CCDC3: variants seen among roughly 807,000 people sequenced by gnomAD.
The protein encoded by CCDC3 is coiled-coil domain containing 3, also known as coiled-coil domain-containing protein 3.
CCDC3 carries 24 observed loss-of-function variants against 21.4 expected under a neutral mutation model. That is an observed-to-expected ratio of 1.12 (90% CI 0.81 to 1.58). The LOEUF (loss-of-function observed/expected upper bound fraction) is 1.58, where lower values mean the gene tolerates loss of function less well. Among genes scored for constraint, CCDC3 ranks in the 40% most tolerant of loss-of-function variants. The pLI is 0.00. For missense variants in CCDC3, 425 were observed against 360.9 expected (o/e 1.18, Z -1.44); for synonymous variants, 186 against 166.0 (o/e 1.12, Z -0.93).
chr10:12,940,137 A>G (rs1468931228), intron 2 of CCDC3, among the ~76,000 whole-genome samples: 4 of 152,226 alleles, frequency 2.6e-5, no homozygotes, highest in Admixed American at 1.3e-4. Context: ...CATAGAAAAG[A>G]AAACAGCTTA....
At chr10:13,091,071 G>C (rs1046220726) in intron 3 of CCDC3, among the ~76,000 whole-genome samples, 10 of 152,232 alleles carry the variant, frequency 6.6e-5, no homozygotes, top group African/African-American at 2.4e-4. Flanking sequence ...GATGAAGTCT[G>C]GAAGACTCAG....
intron 2 of CCDC3, among the ~76,000 whole-genome samples, chr10:12,985,121 G>T (rs1245987092): frequency 6.6e-6 from 1 of 151,764 alleles, no homozygotes; most frequent in Non-Finnish European, 1.5e-5. Flanking sequence ...TTTAAATTAT[G>T]GTAAAGAACA....
chr10:12,956,499 T>C (rs1309321235), intron 2 of CCDC3, among the ~76,000 whole-genome samples: 1 of 152,208 alleles, frequency 6.6e-6, no homozygotes, highest in Admixed American at 6.5e-5. Context: ...CCTCATGGTA[T>C]TGTGCCAAGA....
intron 1 of CCDC3, among the ~76,000 whole-genome samples, chr10:13,000,696 G>A (rs1835833945): frequency 6.6e-6 from 1 of 152,154 alleles, no homozygotes; most frequent in African/African-American, 2.4e-5. Context: ...CAGGTGCTTT[G>A]CATGAGTTAC....
intron 2 of CCDC3, among the ~76,000 whole-genome samples, chr10:12,924,506 C>G (rs1221479399): frequency 2.0e-5 from 3 of 152,224 alleles, no homozygotes; most frequent in African/African-American, 7.2e-5. Flanking sequence ...TATCTAAACT[C>G]TAATGATTCT....
intron 2 of CCDC3, among the ~76,000 whole-genome samples, chr10:12,984,501 T>C (rs1430180519): frequency 6.6e-6 from 1 of 152,200 alleles, no homozygotes; most frequent in Admixed American, 6.5e-5. Context: ...GTCTGGCTGC[T>C]CCTGCAAAGG....
At chr10:13,069,082 T>TC (rs1381655265) in intron 4 of CCDC3, among the ~76,000 whole-genome samples, 11 of 151,960 alleles carry the variant, frequency 7.2e-5, no homozygotes, top group Non-Finnish European at 1.5e-4. Flanking sequence ...ATGGAGAAAC[T>TC]CCATCTCCAC....
At chr10:13,080,467 T>C (rs549464845) in intron 3 of CCDC3, among the ~76,000 whole-genome samples, 24 of 152,302 alleles carry the variant, frequency 1.6e-4, no homozygotes, top group Admixed American at 1.2e-3. Flanking sequence ...GAACAGTTTA[T>C]GTGCAAGATA....
At chr10:12,920,075 G>C (rs1834424335) in intron 2 of CCDC3, among the ~76,000 whole-genome samples, 1 of 152,142 alleles carries the variant, frequency 6.6e-6, no homozygotes, top group Non-Finnish European at 1.5e-5. Context: ...TCATGCTGTG[G>C]ATAAAGACAT....
chr10:13,038,467 A>C (rs627155), intron 5 of CCDC3, among the ~76,000 whole-genome samples: 1 of 151,940 alleles, frequency 6.6e-6, no homozygotes, highest in Non-Finnish European at 1.5e-5. Context: ...TGTAGCTCTG[A>C]TGGGAAAGAA....
intron 3 of CCDC3, among the ~76,000 whole-genome samples, chr10:13,090,792 G>A (rs1014343932): frequency 1.3e-5 from 2 of 152,210 alleles, no homozygotes; most frequent in African/African-American, 2.4e-5. Flanking sequence ...TGCATATATT[G>A]AAGGGAGTTT....
chr10:13,035,737 A>G (rs1368835616), intron 5 of CCDC3, among the ~76,000 whole-genome samples: 1 of 152,260 alleles, frequency 6.6e-6, no homozygotes, highest in African/African-American at 2.4e-5. Context: ...GTCCTGGAAC[A>G]GGCACTACCT....
At chr10:12,981,626 C>A (rs909047678) in intron 2 of CCDC3, among the ~76,000 whole-genome samples, 1 of 152,146 alleles carries the variant, frequency 6.6e-6, no homozygotes, top group Non-Finnish European at 1.5e-5. Flanking sequence ...CCTCTTCAAC[C>A]AGGCAGGGTG....
chr10:13,079,582 G>T (rs766196935), intron 3 of CCDC3, among the ~76,000 whole-genome samples: 1 of 152,152 alleles, frequency 6.6e-6, no homozygotes, highest in African/African-American at 2.4e-5. Context: ...AAAGCCACGG[G>T]GTTGGGGGGA....
chr10:12,962,343 G>A (rs541503951), intron 2 of CCDC3, among the ~76,000 whole-genome samples: 2 of 152,304 alleles, frequency 1.3e-5, no homozygotes, highest in East Asian at 3.9e-4. Flanking sequence ...AGTGGCTCAC[G>A]CCTGTAATCC....
intron 3 of CCDC3, among the ~76,000 whole-genome samples, chr10:13,090,460 T>G (rs1801212213): frequency 6.6e-6 from 1 of 152,214 alleles, no homozygotes; most frequent in African/African-American, 2.4e-5. Context: ...TTGCAAATTG[T>G]GCTAGAATTC....
intron 2 of CCDC3, among the ~76,000 whole-genome samples, chr10:12,935,916 G>A (rs548255081): frequency 1.2e-4 from 18 of 152,258 alleles, no homozygotes; most frequent in African/African-American, 4.3e-4. Flanking sequence ...TAATTCCCCT[G>A]CTGTCCCTTA....
intron 2 of CCDC3, among the ~76,000 whole-genome samples, chr10:12,963,036 TTTTA>T (rs1324596882): frequency 6.6e-6 from 1 of 152,204 alleles, no homozygotes; most frequent in Admixed American, 6.5e-5. Flanking sequence ...GATCTATGCT[TTTTA>T]TTTGGTTAAG....
intron 2 of CCDC3, among the ~76,000 whole-genome samples, chr10:12,911,992 C>T (rs915849097): frequency 6.6e-6 from 1 of 152,150 alleles, no homozygotes; most frequent in African/African-American, 2.4e-5. Flanking sequence ...TTTAAGGGTG[C>T]ATAGTATTCC....
Sources: allele counts gnomAD v4.1 joint callset (sites outside exome capture counted in the v4.1 genomes callset), GRCh38; gene constraint gnomAD v4.1.1; transcripts MANE v1.5; gene names NCBI Gene and HGNC (gene_info 2026-07-23, HGNC 2026-07-21).